Variants in CALN1 observed in about 807,000 individuals in gnomAD.
CALN1 encodes calcium-binding protein 8.
In CALN1, 17 loss-of-function variants were observed where a neutral mutation model predicts 30.6. The observed-to-expected ratio is 0.56, with a 90% CI of 0.38 to 0.83. The LOEUF is 0.83. Ranked by LOEUF, CALN1 falls within the 40% of genes least tolerant of loss-of-function variation. The pLI, the probability that CALN1 is intolerant of heterozygous loss-of-function variation, is 0.00. For synonymous variants in CALN1, 156 were observed against 131.4 expected (o/e 1.19, Z -1.28); for missense variants, 291 against 354.9 (o/e 0.82, Z 1.45).
intron 5 of CALN1, among the ~76,000 whole-genome samples, chr7:71,823,186 C>CTTT (rs10559746): frequency 2.8e-5 from 4 of 141,750 alleles, no homozygotes; most frequent in African/African-American, 1.1e-4. Flanking sequence ...GTCTCTCTCT[C>CTTT]TTTTTTTTTT....
At chr7:72,054,941 G>C (rs1271024609) in intron 4 of CALN1, among the ~76,000 whole-genome samples, 1 of 152,146 alleles carries the variant, frequency 6.6e-6, no homozygotes, top group Non-Finnish European at 1.5e-5. Flanking sequence ...CACAGAGCTA[G>C]AGACTGGGAG....
At chr7:72,331,322 C>G (rs950188909) in intron 2 of CALN1, among the ~76,000 whole-genome samples, 2 of 152,002 alleles carry the variant, frequency 1.3e-5, no homozygotes, top group Non-Finnish European at 2.9e-5. Flanking sequence ...TGCACTCCAG[C>G]CTGGGCAACA....
intron 5 of CALN1, among the ~76,000 whole-genome samples, chr7:72,007,295 C>T (rs1399876268): frequency 6.6e-6 from 1 of 152,218 alleles, no homozygotes; most frequent in African/African-American, 2.4e-5. Context: ...CTTGCAATCC[C>T]AGCACTTTGG....
At chr7:72,258,185 A>T (rs983616869) in intron 3 of CALN1, among the ~76,000 whole-genome samples, 2 of 152,194 alleles carry the variant, frequency 1.3e-5, no homozygotes, top group African/African-American at 4.8e-5. Flanking sequence ...ACCCAAGTTC[A>T]GTGTGATTTC....
At chr7:72,273,702 G>GGT (rs1382634412) in intron 3 of CALN1, among the ~76,000 whole-genome samples, 1 of 151,510 alleles carries the variant, frequency 6.6e-6, no homozygotes, top group Non-Finnish European at 1.5e-5. Context: ...GTAGAGACAG[G>GGT]GTCTCCCTAT....
At chr7:72,246,753 A>ATTTT (rs58282615) in intron 3 of CALN1, among the ~76,000 whole-genome samples, 7,955 of 116,448 alleles carry the variant, frequency 0.068, 758 homozygotes, top group African/African-American at 0.18. Context: ...TACCAGAACA[A>ATTTT]TTTTTTTTTT....
rs1384714434 is a variant in CALN1 at position 71,930,566 on chromosome 7, TAATTTTGATGAAGTCC to T, written c.501+93075_501+93090del. 2.6e-5 allele frequency among the ~76,000 whole-genome samples: 4 copies of T among 152,240 alleles called. No individual in the cohort carries two copies. The East Asian group carries it at 7.7e-4, about 29-fold the overall frequency. On this transcript the variant is annotated intron_variant, in intron 5 of 6. Transcript: ENST00000395275. ...CTTTTTAAATTTTTAATACACTTTT[TAATTTTGATGAAGTCC>T]AATTTGCCTATTTTATCTTTGGTCC...
At chr7:72,396,422 CAA>C (rs56030535) in intron 2 of CALN1, among the ~76,000 whole-genome samples, 13 of 113,752 alleles carry the variant, frequency 1.1e-4, no homozygotes, top group Middle Eastern at 4.5e-3. Flanking sequence ...GACTCTGTCT[CAA>C]AAAAAAAAAA....
rs549418254 is a variant in CALN1 at position 72,343,392 on chromosome 7, C to T, written c.119+59859G>A. On this transcript the variant is annotated intron_variant, in intron 2 of 6. Coordinates refer to ENST00000395275, the MANE Select transcript of CALN1 (RefSeq NM_031468.4). ...TGAAACTCTGTTTCTACTGTAAATA[C>T]AAAAAATTAGCCAGGCATGGTGGCG... Among the ~76,000 whole-genome samples the T allele has an allele frequency of 3.1e-4, 47 of 152,008 alleles. 1 individual carries two copies. In the Middle Eastern group the frequency reaches 0.014, roughly 44 times the overall value.
chr7:72,492,898 A>G, the CALN1 span, among the ~76,000 whole-genome samples: 1 of 152,226 alleles, frequency 6.6e-6, no homozygotes, highest in Non-Finnish European at 1.5e-5. Context: ...TCCATCACAG[A>G]TGACTAACAC....
chr7:72,383,814 A>C (rs1693948276), intron 2 of CALN1, among the ~76,000 whole-genome samples: 1 of 152,212 alleles, frequency 6.6e-6, no homozygotes, highest in Admixed American at 6.5e-5. Context: ...GGCATAGATG[A>C]GTTGGCCCTG....
intron 3 of CALN1, among the ~76,000 whole-genome samples, chr7:72,130,611 A>C (rs1054957993): frequency 6.6e-6 from 1 of 152,168 alleles, no homozygotes. Context: ...ATACATAAGA[A>C]ACAGATATTC....
At chr7:72,401,762 T>A (rs1475232450) in intron 2 of CALN1, among the ~76,000 whole-genome samples, 1 of 152,214 alleles carries the variant, frequency 6.6e-6, no homozygotes, top group Admixed American at 6.5e-5. Flanking sequence ...AAAAGATTTG[T>A]CTGTTTGCTG....
intron 5 of CALN1, among the ~76,000 whole-genome samples, chr7:72,014,696 C>T (rs1800279090): frequency 6.6e-6 from 1 of 152,160 alleles, no homozygotes; most frequent in Non-Finnish European, 1.5e-5. Context: ...GGGTCTCGCT[C>T]TGTTGTCTAG....
intron 2 of CALN1, among the ~76,000 whole-genome samples, chr7:72,393,807 T>C (rs1464311609): frequency 6.7e-6 from 1 of 149,448 alleles, no homozygotes; most frequent in Non-Finnish European, 1.5e-5. Flanking sequence ...TGCTGCACAG[T>C]GGCACAAGCT....
At chr7:71,967,669 G>A (rs1488390419) in intron 5 of CALN1, among the ~76,000 whole-genome samples, 1 of 146,056 alleles carries the variant, frequency 6.8e-6, no homozygotes, top group African/African-American at 2.5e-5. Flanking sequence ...AAAGAAAAAA[G>A]TCTGTGCCCA....
At chr7:72,173,270 C>T (rs1246212943) in intron 3 of CALN1, among the ~76,000 whole-genome samples, 1 of 151,708 alleles carries the variant, frequency 6.6e-6, no homozygotes, top group Non-Finnish European at 1.5e-5. Flanking sequence ...TACAAAATCT[C>T]GAAGTTGAAG....
the CALN1 span, among the ~76,000 whole-genome samples, chr7:72,464,151 A>G: frequency 6.6e-6 from 1 of 152,004 alleles, no homozygotes; most frequent in African/African-American, 2.4e-5. Flanking sequence ...AAAGAGAGAG[A>G]CATTTTAATT....
At chr7:72,323,537 C>A (rs774804730) in intron 2 of CALN1, among the ~76,000 whole-genome samples, 73 of 151,908 alleles carry the variant, frequency 4.8e-4, no homozygotes, top group Non-Finnish European at 9.0e-4. Context: ...CTGGCATGCA[C>A]CTGTAATCCC....
Sources: gnomAD v4.1 joint callset for allele counts (sites outside exome capture counted in the v4.1 genomes callset) on GRCh38, gnomAD v4.1.1 for gene constraint, MANE v1.5 for transcripts, NCBI Gene and HGNC (gene_info 2026-07-23, HGNC 2026-07-21) for gene names.